The following PIEZO1 variants were observed in gnomAD, a reference collection of about 807,000 sequenced individuals.
The protein encoded by PIEZO1 is piezo-type mechanosensitive ion channel component 1.
In PIEZO1, 296 loss-of-function variants were observed where a neutral mutation model predicts 297.2. The ratio of observed to expected loss-of-function variants is 1.00; its 90% CI spans 0.91 to 1.10. The LOEUF is 1.10. Among genes scored for constraint, PIEZO1 ranks in the 50% least tolerant of loss-of-function variants. PIEZO1 has a pLI of 0.00. For missense variants in PIEZO1, 5,018 were observed against 3,455.5 expected (o/e 1.45, Z -11.34); for synonymous variants, 2,427 against 1,507.5 (o/e 1.61, Z -14.13).
intron 19 of PIEZO1, 130 bp downstream of exon 19, chr16:88,733,148 G>A (rs1195577635): frequency 1.9e-5 from 16 of 864,116 alleles, no homozygotes; most frequent in East Asian, 1.6e-4. Flanking sequence ...CCCCCTTGGC[G>A]CCCCCAGGGG....
Position 88,738,228 on chromosome 16 carries a change from T to C in PIEZO1, c.847A>G (p.Arg283Gly), listed in dbSNP as rs1347572424. Residue 283 changes from arginine (R) to glycine (G), a missense_variant and splice_region_variant, in exon 7 of 51, where the codon AGG (arginine) becomes GGG (glycine). Transcript: ENST00000301015. The stretch of plus-strand genomic sequence containing the variant: ...AGGGGCTGTGTGGCAAGCCGTTACC[T>C]AGCCCAGATGCCGGCAGGCGGGAGC... ...ALLPPAGIWA[R>G]VLGLKDFVGP... is the part of the protein sequence containing the mutation. 5.9e-6 allele frequency: 9 copies of C among 1,535,558 alleles called. No individual in the cohort carries two copies. The highest frequency in any genetic ancestry group is 7.8e-6 in the Non-Finnish European group (9 of 1,146,600).
chr16:88,723,835 G>A (rs1278333886), intron 31 of PIEZO1, 36 bp downstream of exon 31: 4 of 1,096,348 alleles, frequency 3.6e-6, no homozygotes, highest in African/African-American at 3.1e-5. Context: ...CAAGCTCTGT[G>A]GTTGGAGTGG....
In PIEZO1 at chr16:88,726,554, G is replaced by C; in HGVS notation, c.3789C>G (p.Tyr1263Ter). Residue 1263 changes from tyrosine (Y) to a stop codon, truncating the protein, a stop_gained, in exon 26 of 51, where the codon TAC becomes TAG. Transcript: ENST00000301015. LOFTEE classifies it high-confidence loss of function. ...ACCGTCCTGGCCACTCACGGTCATA[G>C]TAGCCCTTGACGGTGCATACAAGGC... ...LFSLVCTVKG[Y>*]YDPKEMMDRD... is the part of the protein sequence containing the mutation. 6.5e-7 allele frequency: 1 copy of C among 1,549,978 alleles called. No homozygotes were observed.
intron 5 of PIEZO1, 63 bp from the exon 6 acceptor site, chr16:88,738,799 A>C: frequency 7.0e-7 from 1 of 1,419,114 alleles, no homozygotes; most frequent in Admixed American, 2.1e-5. Flanking sequence ...TCTCCAGCCC[A>C]CACCTGCCCA....
intron 29 of PIEZO1, 89 bp from the exon 30 acceptor site, chr16:88,725,169 G>C (rs1904334744): frequency 2.2e-6 from 2 of 925,728 alleles, no homozygotes; most frequent in East Asian, 5.8e-5. Flanking sequence ...AGACAGGATA[G>C]GTGGAGACAG....
intron 1 of PIEZO1, among the ~76,000 whole-genome samples, chr16:88,756,101 C>G (rs758160177): frequency 1.7e-4 from 26 of 152,134 alleles, no homozygotes; most frequent in Non-Finnish European, 3.4e-4. Flanking sequence ...GTATCACACA[C>G]CAGGCAGGGA....
chr16:88,743,132 T>G (rs1313937324), intron 2 of PIEZO1: 1 of 456,226 alleles, frequency 2.2e-6, no homozygotes, highest in Non-Finnish European at 4.4e-6. Flanking sequence ...TGCTCCCAGC[T>G]GCCTGTGGCC....
chr16:88,756,693 G>A (rs560876857), intron 1 of PIEZO1, among the ~76,000 whole-genome samples: 5 of 151,828 alleles, frequency 3.3e-5, no homozygotes, highest in African/African-American at 1.2e-4. Flanking sequence ...GCTTGAACCT[G>A]GGAGGTGGAG....
intron 27 of PIEZO1, chr16:88,726,013 C>T (rs372308202): frequency 1.8e-6 from 1 of 570,218 alleles, no homozygotes; most frequent in African/African-American, 1.9e-5. Flanking sequence ...GGTGGAGAAA[C>T]TTAGCCCTTA....
chr16:88,715,885 GCCCGGAGCCC>G (rs1056454110), intron 50 of PIEZO1, 31 bp from the exon 51 acceptor site: 139 of 1,544,928 alleles, frequency 9.0e-5, no homozygotes, highest in Non-Finnish European at 1.1e-4. Flanking sequence ...TCCTGGGGCC[GCCCGGAGCCC>G]CCCGAGCTGC....
chr16:88,764,464 C>T (rs1907075531), intron 1 of PIEZO1, among the ~76,000 whole-genome samples: 1 of 152,114 alleles, frequency 6.6e-6, no homozygotes, highest in African/African-American at 2.4e-5. Context: ...TCGACATTCC[C>T]CTGCCAGGCC....
intron 2 of PIEZO1, chr16:88,743,087 C>T (rs532556411): frequency 7.2e-5 from 33 of 456,594 alleles, no homozygotes; most frequent in African/African-American, 2.0e-4. Context: ...TGGCAGGAAG[C>T]GGCAGCACCA....
intron 27 of PIEZO1, chr16:88,725,918 C>T: frequency 1.7e-6 from 1 of 574,270 alleles, no homozygotes. Flanking sequence ...CACCCCACCA[C>T]AGCTGCAGGG....
rs1248376260 is a variant in PIEZO1 at position 88,726,936 on chromosome 16, C to T, written c.3478G>A (p.Val1160Met). 1 of 1,550,442 alleles carries T rather than the reference C, an allele frequency of 6.4e-7. No individual in the cohort carries two copies. Among genetic ancestry groups the T allele is most frequent in the Non-Finnish European group, 8.7e-7 (1 of 1,146,910 alleles). Residue 1160 changes from valine to methionine, a missense_variant, in exon 25 of 51, where the codon GTG (valine) becomes ATG (methionine). Coordinates refer to ENST00000301015, the MANE Select transcript of PIEZO1 (RefSeq NM_001142864.4). ...CAGAACAGGTATCGGAAGACGGCCA[C>T]CTTCAGCATGTCAAGGTAGGACCTG... ...HCRSYLDMLK[V>M]AVFRYLFWLV...
rs765616614 is a variant in PIEZO1 at position 88,732,335 on chromosome 16, C to G, written c.2991G>C (p.Glu997Asp). 1 of 1,548,970 alleles carries G rather than the reference C, an allele frequency of 6.5e-7. No homozygotes were observed. Residue 997 changes from glutamate (E) to aspartate (D), a missense_variant and splice_region_variant, in exon 21 of 51, where the codon GAG becomes GAC. Coordinates refer to ENST00000301015, the MANE Select transcript of PIEZO1 (RefSeq NM_001142864.4). ...INFFFYKFGL[E>D]ICFLMAVNVI... is the part of the protein sequence containing the mutation. Reference sequence around the variant, plus strand: ...GGGGGAGGCAATGTCCTTGCCTCACCTCCAGCCCGAATTTGTAGAAGAAGA... The same window carrying G: ...GGGGGAGGCAATGTCCTTGCCTCACGTCCAGCCCGAATTTGTAGAAGAAGA...
chr16:88,736,058 A>T, intron 12 of PIEZO1, 90 bp downstream of exon 12: 1 of 1,318,678 alleles, frequency 7.6e-7, no homozygotes. Context: ...TGGCGCTGCC[A>T]CTCCCCCGGG....
chr16:88,765,798 C>T (rs542022842), intron 1 of PIEZO1, among the ~76,000 whole-genome samples: 20 of 152,110 alleles, frequency 1.3e-4, no homozygotes, highest in Non-Finnish European at 2.4e-4. Context: ...CTCAGCCTCC[C>T]GAGTAGCTGG....
intron 10 of PIEZO1, chr16:88,737,166 C>A: frequency 3.9e-6 from 1 of 259,678 alleles, no homozygotes; most frequent in Non-Finnish European, 7.4e-6. Context: ...ACACAGAGTT[C>A]CCAGGCCAGC....
Position 88,732,618 on chromosome 16 carries a change from C to G in PIEZO1, c.2779G>C (p.Gly927Arg). The stretch of plus-strand genomic sequence containing the variant: ...GCCCTTCAACTCACCTGGATGTAGC[C>G]CAGGTTGGGGAACCCTTTCCGCACC... ...FGVRKGFPNL[G>R]YIQNHLQVLL... Residue 927 changes from glycine to arginine, a missense_variant, in exon 20 of 51, where the codon GGC becomes CGC. Gly to Arg is a moderately radical substitution (Grantham distance 125). Transcript: ENST00000301015. The G allele has an allele frequency of 6.5e-7, 1 of 1,549,164 alleles. No individual in the cohort carries two copies. The highest frequency in any genetic ancestry group is 8.7e-7 in the Non-Finnish European group (1 of 1,146,166).
Sources: allele counts gnomAD v4.1 joint callset (sites outside exome capture counted in the v4.1 genomes callset), GRCh38; gene constraint gnomAD v4.1.1; transcripts MANE v1.5; gene names NCBI Gene and HGNC (gene_info 2026-07-23, HGNC 2026-07-21).